The following EPM2A variants were observed in gnomAD, a reference collection of about 807,000 sequenced individuals.
EPM2A encodes laforin.
Under a neutral mutation model 26.5 loss-of-function variants are expected in EPM2A, and 21 were observed. The observed-to-expected ratio is 0.79, with a 90% CI of 0.56 to 1.14. The LOEUF (loss-of-function observed/expected upper bound fraction) is 1.14, where lower values mean the gene tolerates loss of function less well. Ranked by LOEUF, EPM2A falls within the 50% of genes most tolerant of loss-of-function variation. The pLI, the probability that EPM2A is intolerant of heterozygous loss-of-function variation, is 0.00. For missense variants in EPM2A, 458 were observed against 440.8 expected (o/e 1.04, Z -0.35); for synonymous variants, 217 against 177.6 (o/e 1.22, Z -1.76).
intron 2 of EPM2A, among the ~76,000 whole-genome samples, chr6:145,663,075 A>G (rs188824568): frequency 2.0e-5 from 3 of 152,290 alleles, no homozygotes; most frequent in Non-Finnish European, 2.9e-5. Flanking sequence ...TAATATAATT[A>G]GGTTGGAATA....
intron 1 of EPM2A, chr6:145,705,577 G>A (rs1402024992): frequency 2.2e-6 from 1 of 456,224 alleles, no homozygotes; most frequent in South Asian, 1.5e-5. Context: ...CAAAGAAAAA[G>A]TGCAGGGGTT....
At chr6:145,405,022 G>A (rs1018815348) in intron 4 of EPM2A, among the ~76,000 whole-genome samples, 1 of 152,084 alleles carries the variant, frequency 6.6e-6, no homozygotes, top group Non-Finnish European at 1.5e-5. Context: ...CTTGAACACT[G>A]TACTTCCAAA....
intron 4 of EPM2A, chr6:145,489,978 C>G: frequency 7.2e-7 from 1 of 1,384,410 alleles, no homozygotes; most frequent in Non-Finnish European, 1.0e-6. Flanking sequence ...GAACAAAGTA[C>G]CTGGCTGTCC....
At chr6:145,565,254 C>T (rs958834935) in intron 2 of EPM2A, among the ~76,000 whole-genome samples, 3 of 152,090 alleles carry the variant, frequency 2.0e-5, no homozygotes, top group Non-Finnish European at 4.4e-5. Context: ...TTGACTCTGC[C>T]CAGAAAATGA....
At chr6:145,466,806 T>C (rs552854814) in intron 4 of EPM2A, among the ~76,000 whole-genome samples, 3 of 152,298 alleles carry the variant, frequency 2.0e-5, no homozygotes, top group Admixed American at 6.5e-5. Flanking sequence ...TGGAATACTA[T>C]GCAGCCATAA....
chr6:145,614,102 G>C (rs1775455291), intron 2 of EPM2A, among the ~76,000 whole-genome samples: 1 of 152,182 alleles, frequency 6.6e-6, no homozygotes, highest in South Asian at 2.1e-4. Context: ...AGGTCTTCCG[G>C]ATAACTTGCC....
At chr6:145,648,580 T>G (rs857882) in intron 2 of EPM2A, among the ~76,000 whole-genome samples, 94,377 of 152,096 alleles carry the variant, frequency 0.62, 29,749 homozygotes, top group East Asian at 0.74. Flanking sequence ...TAGAGCAGTG[T>G]TTCACAGCCC....
intron 2 of EPM2A, among the ~76,000 whole-genome samples, chr6:145,509,980 G>T (rs931431436): frequency 8.6e-5 from 13 of 151,450 alleles, no homozygotes; most frequent in African/African-American, 2.9e-4. Context: ...CAGTGAAAAA[G>T]GACAAAAAAG....
chr6:145,416,044 G>C (rs2202848), intron 4 of EPM2A, among the ~76,000 whole-genome samples: 140,840 of 152,206 alleles, frequency 0.93, 65,308 homozygotes, highest in East Asian at 1. Flanking sequence ...CATCACCACC[G>C]ACTCCCAGCT....
intron 2 of EPM2A, among the ~76,000 whole-genome samples, chr6:145,644,596 AGAAAGACAAAG>A (rs1372366210): frequency 6.6e-6 from 1 of 152,184 alleles, no homozygotes; most frequent in African/African-American, 2.4e-5. Flanking sequence ...ATAAGGTTCT[AGAAAGACAAAG>A]AAACACTTCC....
In EPM2A at chr6:145,509,029, C is replaced by T. The variant is rs142284771; in HGVS notation, c.341-6454G>A. Among the ~76,000 whole-genome samples, 485 of 151,720 alleles carry T rather than the reference C, an allele frequency of 3.2e-3. 7 individuals are homozygous for T. The highest frequency in any genetic ancestry group is 9.8e-3 in the Admixed American group (149 of 15,244). The stretch of plus-strand genomic sequence containing the variant: ...AGTCCTTCAAATCAACCAAGTCAGA[C>T]AAAAATGAAGAAAAAATTATTTTTA... On this transcript the variant is annotated intron_variant, in intron 2 of 3. Coordinates refer to the EPM2A transcript ENST00000450221.
downstream of EPM2A, among the ~76,000 whole-genome samples, chr6:145,620,554 T>G (rs569004089): frequency 8.5e-5 from 13 of 152,228 alleles, no homozygotes; most frequent in African/African-American, 3.1e-4. Context: ...TAAAAATATA[T>G]AATTCCACTT....
intron 4 of EPM2A, among the ~76,000 whole-genome samples, chr6:145,384,267 C>G (rs1056456493): frequency 6.6e-6 from 1 of 152,076 alleles, no homozygotes; most frequent in East Asian, 1.9e-4. Flanking sequence ...AAAACGTAAA[C>G]GATAACAACA....
intron 1 of EPM2A, among the ~76,000 whole-genome samples, chr6:145,730,048 A>C (rs571809532): frequency 9.9e-4 from 151 of 152,242 alleles, no homozygotes; most frequent in Non-Finnish European, 1.7e-3. Flanking sequence ...TGCTCCAGCC[A>C]TGCAGATCGT....
intron 4 of EPM2A, among the ~76,000 whole-genome samples, chr6:145,472,617 G>T (rs1430351244): frequency 6.6e-6 from 1 of 152,070 alleles, no homozygotes; most frequent in Non-Finnish European, 1.5e-5. Context: ...AACATCAGAG[G>T]AAGTCTGGCA....
intron 2 of EPM2A, among the ~76,000 whole-genome samples, chr6:145,538,751 T>C (rs1312687537): frequency 2.0e-5 from 3 of 152,236 alleles, no homozygotes; most frequent in African/African-American, 7.2e-5. Flanking sequence ...TGACCCTAGG[T>C]TTAGCCAGTG....
intron 4 of EPM2A, among the ~76,000 whole-genome samples, chr6:145,454,773 C>A (rs1040429093): frequency 6.6e-6 from 1 of 152,158 alleles, no homozygotes; most frequent in Admixed American, 6.5e-5. Context: ...TGGCAGAATC[C>A]TCTGTTTTTT....
intron 4 of EPM2A, among the ~76,000 whole-genome samples, chr6:145,450,307 C>T (rs904977819): frequency 5.5e-5 from 8 of 144,478 alleles, no homozygotes; most frequent in African/African-American, 1.3e-4. Flanking sequence ...GAGCCGAGAT[C>T]GCGCCACTGC....
At chr6:145,662,515 TG>T (rs1159720556) in intron 2 of EPM2A, among the ~76,000 whole-genome samples, 1 of 152,124 alleles carries the variant, frequency 6.6e-6, no homozygotes, top group Non-Finnish European at 1.5e-5. Flanking sequence ...TGACTGATCA[TG>T]ATAGGTACAG....
Sources: allele counts gnomAD v4.1 joint callset (sites outside exome capture counted in the v4.1 genomes callset), GRCh38; gene constraint gnomAD v4.1.1; transcripts MANE v1.5; gene names NCBI Gene and HGNC (gene_info 2026-07-23, HGNC 2026-07-21).